Variants in TOMM40 observed in about 807,000 individuals in gnomAD.
The protein encoded by TOMM40 is translocase of outer mitochondrial membrane 40.
A neutral mutation model predicts 38.4 loss-of-function variants in TOMM40; 9 were observed. The observed-to-expected ratio is 0.23, with a 90% confidence interval of 0.14 to 0.41. The LOEUF is 0.41. Among genes scored for constraint, TOMM40 ranks in the 10% least tolerant of loss-of-function variants. The pLI is 1.00. For missense variants in TOMM40, 299 were observed against 486.5 expected (o/e 0.61, Z 3.63); for synonymous variants, 184 against 210.0 (o/e 0.88, Z 1.07).
chr19:44,900,771 CT>C lies in TOMM40; in HGVS notation c.686del (p.Leu229ArgfsTer22). The C allele has an allele frequency of 1.2e-6, 2 of 1,613,344 alleles. No individual in the cohort carries two copies. The highest frequency in any genetic ancestry group is 1.7e-6 in the Non-Finnish European group (2 of 1,179,954). On this transcript the variant is annotated frameshift_variant, in exon 6 of 9. Coordinates refer to ENST00000426677, the MANE Select transcript of TOMM40 (RefSeq NM_001128917.2). LOFTEE classifies it high-confidence loss of function. ...CTACCTCCAGAGCATCACGCCTTGC[CT>C]GGCCCTGGGTGGAGAGCTGGTCTAC... ...AHYLQSITPC[L>X]ALGGELVYHR...
chr19:44,891,878 G>A (rs1024064793), intron 1 of TOMM40, among the ~76,000 whole-genome samples, 189 bp downstream of exon 1: 10 of 152,210 alleles, frequency 6.6e-5, no homozygotes, highest in Non-Finnish European at 1.3e-4. Context: ...GCTGGAAACG[G>A]GATGGAATGT....
chr19:44,901,015 C>T lies in TOMM40; in HGVS notation c.767-13C>T, dbSNP rs1377307816. On this transcript the variant is annotated splice_polypyrimidine_tract_variant and intron_variant, in intron 6 of 8. Coordinates refer to ENST00000426677, the MANE Select transcript of TOMM40 (RefSeq NM_001128917.2). ...TGGTAATGAGACCCCGCCTCCACCC[C>T]ACTCTCTGACAGTGAACAACTGGTT... 2.5e-6 allele frequency: 4 copies of T among 1,614,038 alleles called. No individual in the cohort carries two copies. The East Asian group carries it at 6.7e-5, about 27-fold the overall frequency.
At chr19:44,899,229 C>T (rs542944951) in intron 5 of TOMM40, among the ~76,000 whole-genome samples, 28 of 152,190 alleles carry the variant, frequency 1.8e-4, no homozygotes, top group Non-Finnish European at 3.4e-4. Flanking sequence ...TCAGTGTAAC[C>T]TTGACCTTCT....
Position 44,891,307 on chromosome 19 carries a change from C to G in TOMM40, c.-109C>G, listed in dbSNP as rs1229948410. On this transcript the variant is annotated 5_prime_UTR_variant, in exon 1 of 9. Transcript: ENST00000426677. ...CGGAGCCCAGGCCGGGAGCAGGCGC[C>G]GCCGCCAGTGAGAACCGGGGCCGGA... The G allele has an allele frequency of 4.1e-5, 49 of 1,203,330 alleles. No individual in the cohort carries two copies. The highest frequency in any genetic ancestry group is 8.9e-5 in the Admixed American group (2 of 22,576). 74.5% of individuals were successfully genotyped at this position (1,203,330 alleles called of 1,614,324 possible).
At chr19:44,894,181 G>A (rs528521975) in intron 5 of TOMM40, 115 bp downstream of exon 5, 1 of 748,060 alleles carries the variant, frequency 1.3e-6, no homozygotes, top group East Asian at 3.1e-5. Context: ...CTCAGCAGGA[G>A]TGATTTTGAA....
At chr19:44,894,290 C>A (rs1243168355) in intron 5 of TOMM40, among the ~76,000 whole-genome samples, 1 of 123,522 alleles carries the variant, frequency 8.1e-6, no homozygotes, top group African/African-American at 3.4e-5. Flanking sequence ...GAGATGGAGT[C>A]TTGCTTTATC....
chr19:44,899,790 G>GTTTTT (rs1969642346), intron 5 of TOMM40, among the ~76,000 whole-genome samples: 1 of 111,648 alleles, frequency 9.0e-6, no homozygotes, highest in Non-Finnish European at 1.9e-5. Flanking sequence ...ATTGCATCTG[G>GTTTTT]CTTTTTTTTT....
chr19:44,894,134 C>G, intron 5 of TOMM40, 68 bp downstream of exon 5: 1 of 1,220,604 alleles, frequency 8.2e-7, no homozygotes, highest in Non-Finnish European at 1.1e-6. Flanking sequence ...AAATCCACCC[C>G]ATTTGTGAAC....
intron 5 of TOMM40, among the ~76,000 whole-genome samples, chr19:44,900,041 G>C (rs1969650286): frequency 6.6e-6 from 1 of 151,910 alleles, no homozygotes; most frequent in African/African-American, 2.4e-5. Context: ...ACCCTGCTAG[G>C]CTCGAAAGAC....
intron 5 of TOMM40, among the ~76,000 whole-genome samples, chr19:44,896,738 C>T (rs751863431): frequency 2.0e-5 from 3 of 152,112 alleles, no homozygotes; most frequent in Non-Finnish European, 2.9e-5. Flanking sequence ...CAGCAGTGAC[C>T]GAGACAGCCC....
Position 44,893,763 on chromosome 19 carries a change from TTC to T in TOMM40, c.436-11_436-10del. The T allele has an allele frequency of 1.2e-6, 2 of 1,610,138 alleles. No homozygotes were observed. The highest frequency in any genetic ancestry group is 1.1e-5 in the South Asian group (1 of 90,904). On this transcript the variant is annotated splice_polypyrimidine_tract_variant and intron_variant, in intron 3 of 8. Transcript: ENST00000426677. ...AGTGCACCACCTCTGACCCCTTCCG[TTC>T]TCTCTGCCTCACAGGCGTTCCCTGT...
intron 3 of TOMM40, 117 bp downstream of exon 3, chr19:44,893,046 G>C (rs1191725317): frequency 5.1e-6 from 4 of 783,732 alleles, no homozygotes; most frequent in Non-Finnish European, 8.3e-6. Flanking sequence ...CCTGGAGATG[G>C]GGATTGCATC....
chr19:44,900,593 TAGG>T (rs1481393726), intron 5 of TOMM40, 134 bp from the exon 6 acceptor site: 3 of 1,533,570 alleles, frequency 2.0e-6, no homozygotes, highest in Non-Finnish European at 2.6e-6. Context: ...GGCGATGGGT[TAGG>T]AGAAAGGAGC....
At position 44,893,993 on chromosome 19, in the gene TOMM40, G is replaced by A; in HGVS notation, c.570G>A (p.Val190=). ...AGTCGAAGTTTGTGAACTGGCAGGT[G>A]GACGGGGAGTATCGGGGCTCTGACT... The part of the protein sequence containing the change: ...TQQSKFVNWQ[V]DGEYRGSDFT... Residue 190 remains valine, a synonymous_variant, in exon 5 of 9, where the codon GTG becomes GTA. Coordinates refer to ENST00000426677, the MANE Select transcript of TOMM40 (RefSeq NM_001128917.2). The A allele has an allele frequency of 6.4e-7, 1 of 1,553,788 alleles. No homozygotes were observed. The highest frequency in any genetic ancestry group is 8.7e-7 in the Non-Finnish European group (1 of 1,147,242).
intron 2 of TOMM40, 150 bp downstream of exon 2, chr19:44,892,610 C>CA: frequency 2.4e-6 from 2 of 831,126 alleles, no homozygotes; most frequent in Non-Finnish European, 4.0e-6. Flanking sequence ...ACTGACTACT[C>CA]AGTTTGGGGA....
At chr19:44,897,316 G>A (rs1969584436) in intron 5 of TOMM40, among the ~76,000 whole-genome samples, 1 of 152,124 alleles carries the variant, frequency 6.6e-6, no homozygotes, top group Non-Finnish European at 1.5e-5. Flanking sequence ...GGAACTCAGA[G>A]GCCAGAGATT....
intron 8 of TOMM40, 45 bp from the exon 9 acceptor site, chr19:44,902,985 A>G (rs1969711276): frequency 2.5e-6 from 4 of 1,595,540 alleles, no homozygotes; most frequent in Non-Finnish European, 2.6e-6. Flanking sequence ...CTGCATGGAT[A>G]TGGTGGGAAG....
At chr19:44,900,612 A>AG in intron 5 of TOMM40, 118 bp from the exon 6 acceptor site, 10 of 1,581,480 alleles carry the variant, frequency 6.3e-6, no homozygotes, top group Non-Finnish European at 8.6e-6. Flanking sequence ...GGAGCCCTTG[A>AG]GGGAGGCCTG....
intron 5 of TOMM40, among the ~76,000 whole-genome samples, chr19:44,895,230 C>T (rs1359315782): frequency 6.6e-6 from 1 of 151,886 alleles, no homozygotes; most frequent in Non-Finnish European, 1.5e-5. Context: ...CTGCAGGAGC[C>T]CAGGGAGACT....
Sources: allele counts gnomAD v4.1 joint callset (sites outside exome capture counted in the v4.1 genomes callset), GRCh38; gene constraint gnomAD v4.1.1; transcripts MANE v1.5; gene names NCBI Gene and HGNC (gene_info 2026-07-23, HGNC 2026-07-21).